The following KIAA1143 variants were observed in gnomAD, a reference collection of about 807,000 sequenced individuals.
KIAA1143 encodes the protein uncharacterized protein KIAA1143.
Under a neutral mutation model 17.0 loss-of-function variants are expected in KIAA1143, and 8 were observed. The ratio of observed to expected loss-of-function variants is 0.47; its 90% CI spans 0.28 to 0.85. The LOEUF (loss-of-function observed/expected upper bound fraction) is 0.85, where lower values mean the gene tolerates loss of function less well. Among genes scored for constraint, KIAA1143 ranks in the 40% least tolerant of loss-of-function variants. The pLI, the probability that KIAA1143 is intolerant of heterozygous loss-of-function variation, is 0.12. For synonymous variants in KIAA1143, 64 were observed against 67.8 expected (o/e 0.94, Z 0.27); for missense variants, 162 against 183.3 (o/e 0.88, Z 0.67).
intron 1 of KIAA1143, among the ~76,000 whole-genome samples, chr3:44,759,516 A>G (rs916946926): frequency 1.3e-5 from 2 of 152,150 alleles, no homozygotes; most frequent in Non-Finnish European, 2.9e-5. Flanking sequence ...ATTAGCTTCA[A>G]CTTAAAAGTC....
At chr3:44,755,811 A>G (rs1575558848) in intron 1 of KIAA1143, among the ~76,000 whole-genome samples, 7 of 152,366 alleles carry the variant, frequency 4.6e-5, no homozygotes, top group Admixed American at 6.5e-5. Context: ...GAGAGGCACA[A>G]AGCCTGGAAA....
In KIAA1143 at chr3:44,754,403, T is replaced by C. The variant is rs1219682245; in HGVS notation, c.109-35A>G. 7 of 1,580,202 alleles carry C rather than the reference T, an allele frequency of 4.4e-6. No homozygotes were observed. In the South Asian group the frequency reaches 7.9e-5, roughly 18 times the overall value. On this transcript the variant is annotated intron_variant, in intron 1 of 2. Transcript: ENST00000296121. ...AACACAAATACAATGTGTAGATCAC[T>C]GATCTTGAGACAAACAGAACCACTG...
chr3:44,760,634 C>T (rs1045918559), intron 1 of KIAA1143, among the ~76,000 whole-genome samples: 3 of 150,922 alleles, frequency 2.0e-5, no homozygotes, highest in Non-Finnish European at 2.9e-5. Flanking sequence ...CGTGATCTGC[C>T]GCCTCAGCCT....
Position 44,761,603 on chromosome 3 carries a change from G to C in KIAA1143, c.-1C>G. On this transcript the variant is annotated 5_prime_UTR_variant, in exon 1 of 3. Transcript: ENST00000296121. ...ACGATACCTGGTTCCGCTTGCTCAT[G>C]GTAGCTCTGGGTAAAGACAGAAGAC... is the stretch of plus-strand genomic sequence containing the variant. 6.4e-7 allele frequency: 1 copy of C among 1,573,370 alleles called. No individual in the cohort carries two copies.
At chr3:44,759,789 A>G (rs1027959737) in intron 1 of KIAA1143, among the ~76,000 whole-genome samples, 2 of 149,632 alleles carry the variant, frequency 1.3e-5, no homozygotes, top group African/African-American at 4.9e-5. Context: ...CAGCTGCTTG[A>G]GAGGCTGAGG....
intron 1 of KIAA1143, among the ~76,000 whole-genome samples, chr3:44,760,992 T>C (rs1194173597): frequency 6.6e-6 from 1 of 152,196 alleles, no homozygotes; most frequent in African/African-American, 2.4e-5. Flanking sequence ...GTGCCCGACC[T>C]TCTCTATATT....
Position 44,752,493 on chromosome 3 carries a change from C to A in KIAA1143, c.*848G>T, listed in dbSNP as rs1468770778. 3.3e-5 allele frequency: 5 copies of A among 152,214 alleles called. No individual in the cohort carries two copies. In the East Asian group the frequency reaches 9.6e-4, roughly 29 times the overall value. 9.4% of individuals were successfully genotyped at this position (152,214 alleles called of 1,614,324 possible). A position where few individuals can be genotyped will look rare whatever the true frequency, so the allele number is the denominator to read the frequency against. The stretch of plus-strand genomic sequence containing the variant: ...TGCATTTGGCTGCATATAAAAGAAA[C>A]CTGACCAAGGCCTAATTAAGCACAG... On this transcript the variant is annotated 3_prime_UTR_variant, in exon 3 of 3. Transcript: ENST00000296121.
chr3:44,753,342 T>C lies in KIAA1143; in HGVS notation c.464A>G (p.Ter155=). Reference sequence around the variant, plus strand: ...AGACTAAATTCAAAATATTTACACTTACTCATTTTCATCTTCGTTGTCAAA... The same window carrying C: ...AGACTAAATTCAAAATATTTACACTCACTCATTTTCATCTTCGTTGTCAAA... ...LSFDNEDENE[*] Residue 155 remains the stop codon, a stop_retained_variant, in exon 3 of 3, where the codon TAA becomes TGA. Coordinates refer to ENST00000296121, the MANE Select transcript of KIAA1143 (RefSeq NM_020696.4). 1 of 1,593,648 alleles carries C rather than the reference T, an allele frequency of 6.3e-7. No individual in the cohort carries two copies. The highest frequency in any genetic ancestry group is 8.6e-7 in the Non-Finnish European group (1 of 1,162,220).
rs116925050 is a variant in KIAA1143, at chr3:44,759,757, C to T, written c.108+1738G>A. ...AAAAAATACAAAAATTAGCCAGATG[C>T]GTTAGTTCATGCCTGTAGTCCCAGC... On this transcript the variant is annotated intron_variant, in intron 1 of 2. Coordinates refer to ENST00000296121, the MANE Select transcript of KIAA1143 (RefSeq NM_020696.4). Among the ~76,000 whole-genome samples the T allele has an allele frequency of 7.6e-4, 116 of 151,692 alleles. No homozygotes were observed. The East Asian group carries it at 0.015, about 19-fold the overall frequency.
In KIAA1143 at chr3:44,748,830, A is replaced by G. The variant is rs1460012230; in HGVS notation, c.*4511T>C. 2 of 152,208 alleles carry G rather than the reference A, an allele frequency of 1.3e-5. No homozygotes were observed. Among genetic ancestry groups the G allele is most frequent in the African/African-American group, 2.4e-5 (1 of 41,460 alleles). 9.4% of individuals were successfully genotyped at this position (152,208 alleles called of 1,614,324 possible). On this transcript the variant is annotated 3_prime_UTR_variant, in exon 3 of 3. Coordinates refer to ENST00000296121, the MANE Select transcript of KIAA1143 (RefSeq NM_020696.4). ...TACAGTGGTGAATAACACAAACTCC[A>G]TGCTTTCAAGATTCCCACACCCAGA...
intron 1 of KIAA1143, among the ~76,000 whole-genome samples, chr3:44,759,894 C>CAAAAAAAAAAAGAAA (rs1705040618): frequency 2.0e-5 from 1 of 51,102 alleles, no homozygotes; most frequent in Non-Finnish European, 3.7e-5. Context: ...GACCCTATCT[C>CAAAAAAAAAAAGAAA]AAAAAAAAAA....
At position 44,749,531 on chromosome 3, in the gene KIAA1143, A is replaced by C. The variant is rs1003295155; in HGVS notation, c.*3810T>G. The C allele has an allele frequency of 3.3e-5, 5 of 152,206 alleles. No individual in the cohort carries two copies. The highest frequency in any genetic ancestry group is 1.2e-4 in the African/African-American group (5 of 41,450). 9.4% of individuals were successfully genotyped at this position (152,206 alleles called of 1,614,324 possible). ...TTGGGCTGACTTTTACTAATGAGGA[A>C]AATTGTTAGGATTAAGCAGGGTCTT... On this transcript the variant is annotated 3_prime_UTR_variant, in exon 3 of 3. Transcript: ENST00000296121.
At position 44,749,343 on chromosome 3, in the gene KIAA1143, C is replaced by G. The variant is rs1478244042; in HGVS notation, c.*3998G>C. ...GGCGGAGCTTGCAGTGAGCTGAGAT[C>G]GCGCCACTGCACTCCAGCCTGGGTG... On this transcript the variant is annotated 3_prime_UTR_variant, in exon 3 of 3. Coordinates refer to ENST00000296121, the MANE Select transcript of KIAA1143 (RefSeq NM_020696.4). 2 of 152,094 alleles carry G rather than the reference C, an allele frequency of 1.3e-5. No individual in the cohort carries two copies. Among genetic ancestry groups the G allele is most frequent in the African/African-American group, 4.8e-5 (2 of 41,388 alleles). The allele number at this position is 152,094 out of a possible 1,614,324, so 9.4% of individuals were successfully genotyped here.
chr3:44,754,146 C>T (rs554912110), intron 2 of KIAA1143, 78 bp downstream of exon 2: 1 of 1,461,280 alleles, frequency 6.8e-7, no homozygotes, highest in African/African-American at 1.4e-5. Flanking sequence ...AAACACACCA[C>T]ACTACTAAAT....
chr3:44,760,575 G>C (rs911162465), intron 1 of KIAA1143, among the ~76,000 whole-genome samples: 1 of 151,642 alleles, frequency 6.6e-6, no homozygotes, highest in African/African-American at 2.4e-5. Flanking sequence ...ATTTTTAGTA[G>C]AGACGCGGTT....
At chr3:44,754,135 G>C in intron 2 of KIAA1143, 89 bp downstream of exon 2, 1 of 1,398,472 alleles carries the variant, frequency 7.2e-7, no homozygotes, top group African/African-American at 1.4e-5. Flanking sequence ...CTGCCACCTT[G>C]AAACACACCA....
intron 2 of KIAA1143, 80 bp from the exon 3 acceptor site, chr3:44,753,632 C>G: frequency 7.5e-7 from 1 of 1,337,338 alleles, no homozygotes; most frequent in South Asian, 1.4e-5. Context: ...ATAAGAAAAT[C>G]TCATATTGTA....
chr3:44,757,698 CAGAA>C (rs1166816036), intron 1 of KIAA1143, among the ~76,000 whole-genome samples: 1 of 152,106 alleles, frequency 6.6e-6, no homozygotes, highest in African/African-American at 2.4e-5. Flanking sequence ...AAGAGAAAAA[CAGAA>C]AGAGTAACTG....
Position 44,761,586 on chromosome 3 carries a change from T to A in KIAA1143, c.17A>T (p.Gln6Leu). 1 of 1,611,258 alleles carries A rather than the reference T, an allele frequency of 6.2e-7. No individual in the cohort carries two copies. Among genetic ancestry groups the A allele is most frequent in the Non-Finnish European group, 8.5e-7 (1 of 1,179,562 alleles). Residue 6 changes from glutamine (Q) to leucine (L), a missense_variant, in exon 1 of 3, where the codon CAG (glutamine) becomes CTG (leucine). By Grantham distance (113) the Gln-to-Leu change is moderately radical. Around this residue, in one of 2 missense-constraint regions of KIAA1143, gnomAD observed 137 missense variants for 132.5 expected, o/e 1.03. Coordinates refer to ENST00000296121, the MANE Select transcript of KIAA1143 (RefSeq NM_020696.4). ...CTCGGCTGGCCGCACGTACGATACCTGGTTCCGCTTGCTCATGGTAGCTCT... is the reference window on the plus strand; with the variant it reads ...CTCGGCTGGCCGCACGTACGATACCAGGTTCCGCTTGCTCATGGTAGCTCT... MSKRNQVSYVRPAEPA... is the reference protein window; with the variant it reads MSKRNLVSYVRPAEPA...
Sources: gnomAD v4.1 joint callset for allele counts (sites outside exome capture counted in the v4.1 genomes callset) on GRCh38, gnomAD v4.1.1 for gene constraint, gnomAD v4.1.1 regional missense constraint, MANE v1.5 for transcripts, NCBI Gene and HGNC (gene_info 2026-07-23, HGNC 2026-07-21) for gene names.